The following NAV3 variants were observed in gnomAD, a reference collection of about 807,000 sequenced individuals.
NAV3 encodes neuron navigator 3.
Under a neutral mutation model 244.7 loss-of-function variants are expected in NAV3, and 87 were observed. The ratio of observed to expected loss-of-function variants is 0.36; its 90% CI spans 0.30 to 0.42. The LOEUF (loss-of-function observed/expected upper bound fraction) is 0.42. Ranked by LOEUF, NAV3 falls within the 20% of genes least tolerant of loss-of-function variation. The pLI, the probability that NAV3 is intolerant of heterozygous loss-of-function variation, is 1.00. For missense variants in NAV3, 2,663 were observed against 2,893.3 expected, an observed-to-expected ratio of 0.92 and a Z score of 1.83; for synonymous variants, 1,126 against 1,042.2, an observed-to-expected ratio of 1.08 and a Z score of -1.55.
chr12:78,113,477 C>G (rs933711978), intron 12 of NAV3, among the ~76,000 whole-genome samples: 1 of 152,244 alleles, frequency 6.6e-6, no homozygotes, highest in African/African-American at 2.4e-5. Context: ...GTTGACTTCT[C>G]TGCAAATGTA....
At chr12:77,779,602 G>A (rs147228860) in intron 2 of NAV3, among the ~76,000 whole-genome samples, 3 of 152,056 alleles carry the variant, frequency 2.0e-5, no homozygotes, top group Admixed American at 1.3e-4. Context: ...TTTAAAAATT[G>A]TACATTCCAA....
At chr12:77,800,549 A>T (rs1488709257) in intron 2 of NAV3, among the ~76,000 whole-genome samples, 1 of 152,178 alleles carries the variant, frequency 6.6e-6, no homozygotes, top group Non-Finnish European at 1.5e-5. Flanking sequence ...AAACGAAAGA[A>T]AATAGACATT....
At chr12:77,644,205 A>C (rs1386250335) in intron 2 of NAV3, among the ~76,000 whole-genome samples, 4 of 152,040 alleles carry the variant, frequency 2.6e-5, no homozygotes, top group Non-Finnish European at 5.9e-5. Context: ...GGTCCCCCCA[A>C]AAAAGAGGAA....
At chr12:77,653,040 T>A (rs1819134114) in intron 2 of NAV3, among the ~76,000 whole-genome samples, 1 of 152,184 alleles carries the variant, frequency 6.6e-6, no homozygotes, top group African/African-American at 2.4e-5. Context: ...TTTAAGAAAC[T>A]GGAATACAGA....
chr12:78,134,106 C>T (rs1288324160), intron 18 of NAV3, among the ~76,000 whole-genome samples: 1 of 152,204 alleles, frequency 6.6e-6, no homozygotes, highest in Non-Finnish European at 1.5e-5. Flanking sequence ...TTCGATGGAT[C>T]CTTTTGCATA....
intron 2 of NAV3, among the ~76,000 whole-genome samples, chr12:77,741,146 G>GCCAAAAAAAAAAAAAAAAAAAAAA (rs1868321359): frequency 1.4e-4 from 1 of 7,372 alleles, no homozygotes; most frequent in African/African-American, 4.4e-4. Context: ...AAAAAAAAAA[G>GCCAAAAAAAAAAAAAAAAAAAAAA]ACAAAAAAAA....
intron 26 of NAV3, 118 bp downstream of exon 26, chr12:78,176,577 T>C (rs1958237577): frequency 2.2e-6 from 2 of 920,338 alleles, no homozygotes; most frequent in Non-Finnish European, 3.3e-6. Context: ...ACCTTGTATG[T>C]CTTTTCTTTG....
At chr12:77,779,723 C>G (rs754091515) in intron 2 of NAV3, among the ~76,000 whole-genome samples, 7 of 152,162 alleles carry the variant, frequency 4.6e-5, no homozygotes, top group Non-Finnish European at 8.8e-5. Flanking sequence ...TTACTGTCAT[C>G]CCACCCAGCT....
intron 2 of NAV3, among the ~76,000 whole-genome samples, chr12:77,797,524 G>T (rs868466314): frequency 5.0e-5 from 5 of 100,542 alleles, no homozygotes; most frequent in African/African-American, 2.0e-4. Context: ...TCTTTAAAAA[G>T]TTTTTTTTTT....
chr12:78,108,001 C>T (rs192058935), intron 12 of NAV3, among the ~76,000 whole-genome samples: 6 of 152,158 alleles, frequency 3.9e-5, no homozygotes, highest in Admixed American at 3.9e-4. Flanking sequence ...ACATTCTCCA[C>T]CTAAACGTTA....
intron 37 of NAV3, 38 bp downstream of exon 37, chr12:78,199,569 C>A (rs983121701): frequency 6.8e-7 from 1 of 1,463,200 alleles, no homozygotes; most frequent in African/African-American, 1.4e-5. Flanking sequence ...TTTCCAGGAA[C>A]TAACAGTGCT....
intron 27 of NAV3, 24 bp downstream of exon 27, chr12:78,177,337 G>A: frequency 6.3e-7 from 1 of 1,593,308 alleles, no homozygotes; most frequent in South Asian, 1.1e-5. Context: ...TCTGCAAAAT[G>A]CAGACATATT....
At chr12:78,111,518 G>A (rs565746260) in intron 12 of NAV3, among the ~76,000 whole-genome samples, 9 of 152,006 alleles carry the variant, frequency 5.9e-5, no homozygotes, top group South Asian at 4.2e-4. Context: ...AACAATGTTC[G>A]ACATCGTTAG....
At chr12:77,855,896 T>A (rs1878325665) in intron 1 of NAV3, among the ~76,000 whole-genome samples, 1 of 152,226 alleles carries the variant, frequency 6.6e-6, no homozygotes, top group Non-Finnish European at 1.5e-5. Context: ...TACAGTATCA[T>A]GAGCTAAAAA....
At chr12:77,848,792 G>A (rs1219157307) in intron 1 of NAV3, among the ~76,000 whole-genome samples, 2 of 152,136 alleles carry the variant, frequency 1.3e-5, no homozygotes, top group Admixed American at 1.3e-4. Context: ...CTGGAACACT[G>A]AATGATTTAA....
intron 2 of NAV3, among the ~76,000 whole-genome samples, chr12:77,745,605 T>C (rs911930964): frequency 6.6e-6 from 1 of 152,046 alleles, no homozygotes; most frequent in African/African-American, 2.4e-5. Flanking sequence ...TAAATACTCC[T>C]TGATGAGTTG....
chr12:78,083,602 A>G (rs1251410261), intron 12 of NAV3, among the ~76,000 whole-genome samples: 1 of 152,108 alleles, frequency 6.6e-6, no homozygotes, highest in African/African-American at 2.4e-5. Context: ...TTATCCTTTA[A>G]TGATCTTGCC....
intron 2 of NAV3, among the ~76,000 whole-genome samples, chr12:77,573,513 T>C (rs993702404): frequency 1.3e-5 from 2 of 152,196 alleles, no homozygotes; most frequent in African/African-American, 2.4e-5. Context: ...TCTACACAAA[T>C]ACTTGTGTTA....
intron 2 of NAV3, among the ~76,000 whole-genome samples, chr12:77,798,510 T>C (rs1592692772): frequency 2.6e-5 from 4 of 152,118 alleles, no homozygotes. Context: ...GTTAGACAAA[T>C]TATTTAATCC....
Sources: allele counts gnomAD v4.1 joint callset (sites outside exome capture counted in the v4.1 genomes callset), GRCh38; gene constraint gnomAD v4.1.1; transcripts MANE v1.5; gene names NCBI Gene and HGNC (gene_info 2026-07-23, HGNC 2026-07-21).